The following DRC9 variants were observed in gnomAD, a reference collection of about 807,000 sequenced individuals.
DRC9 encodes dynein regulatory complex protein 9.
the DRC9 span, among the ~76,000 whole-genome samples, chr3:197,898,369 A>G: frequency 6.6e-6 from 1 of 152,260 alleles, no homozygotes; most frequent in African/African-American, 2.4e-5. Context: ...GTTTACATGC[A>G]TTTACTAGAA....
At chr3:197,924,399 T>A in the DRC9 span, among the ~76,000 whole-genome samples, 1 of 152,088 alleles carries the variant, frequency 6.6e-6, no homozygotes, top group African/African-American at 2.4e-5. Context: ...AAAAATGAAA[T>A]ATATAAATAA....
chr3:197,902,378 C>T, the DRC9 span, among the ~76,000 whole-genome samples: 2 of 152,074 alleles, frequency 1.3e-5, no homozygotes, highest in African/African-American at 4.8e-5. Flanking sequence ...TGAAATAAAG[C>T]ACCAGGGACT....
the DRC9 span, chr3:197,945,810 G>T: frequency 1.8e-6 from 1 of 566,002 alleles, no homozygotes; most frequent in Non-Finnish European, 3.2e-6. Flanking sequence ...TCGCCTCTTT[G>T]TGCGGAGTGG....
the DRC9 span, among the ~76,000 whole-genome samples, chr3:197,939,564 G>A: frequency 1.2e-4 from 18 of 152,322 alleles, no homozygotes; most frequent in African/African-American, 4.3e-4. Flanking sequence ...ACGATGCAGC[G>A]ACTACACATA....
At chr3:197,894,040 T>G in the DRC9 span, among the ~76,000 whole-genome samples, 4 of 152,216 alleles carry the variant, frequency 2.6e-5, no homozygotes, top group Non-Finnish European at 5.9e-5. Flanking sequence ...CAGTAAAACA[T>G]GTATTTAAGC....
the DRC9 span, among the ~76,000 whole-genome samples, chr3:197,946,403 C>A: frequency 6.3e-5 from 9 of 142,486 alleles, no homozygotes; most frequent in African/African-American, 2.5e-4. Context: ...CCACTGCACT[C>A]CAGCCTGGGC....
the DRC9 span, chr3:197,932,236 A>G: frequency 6.2e-7 from 1 of 1,613,382 alleles, no homozygotes. Context: ...CTTGCAGGAG[A>G]CTGTTGTAAG....
chr3:197,940,763 T>A, the DRC9 span, among the ~76,000 whole-genome samples: 1 of 152,252 alleles, frequency 6.6e-6, no homozygotes, highest in Non-Finnish European at 1.5e-5. Context: ...TCACAATTTT[T>A]AAAAGATATG....
chr3:197,933,586 G>A, the DRC9 span, among the ~76,000 whole-genome samples: 108 of 151,958 alleles, frequency 7.1e-4, no homozygotes, highest in African/African-American at 2.3e-3. Context: ...ATTTATGTAC[G>A]TAACACCAAA....
At chr3:197,914,902 G>A in the DRC9 span, among the ~76,000 whole-genome samples, 9 of 152,086 alleles carry the variant, frequency 5.9e-5, no homozygotes, top group South Asian at 2.1e-4. Flanking sequence ...GGGGGCTCAC[G>A]CCTGTAATCC....
At chr3:197,943,838 C>G in the DRC9 span, 2 of 1,614,150 alleles carry the variant, frequency 1.2e-6, no homozygotes, top group Non-Finnish European at 1.7e-6. Context: ...GAATAGAGAG[C>G]TGGTCTGTGG....
the DRC9 span, chr3:197,957,651 C>CGGAAGTT: frequency 6.6e-6 from 1 of 151,978 alleles, no homozygotes; most frequent in African/African-American, 2.4e-5. Flanking sequence ...ACTTCAAGGC[C>CGGAAGTT]GGAAGTTGGA....
chr3:197,955,159 G>A, the DRC9 span, among the ~76,000 whole-genome samples: 2 of 152,112 alleles, frequency 1.3e-5, no homozygotes, highest in South Asian at 2.1e-4. Context: ...GGGGCCAGGG[G>A]GTACTGTTGA....
the DRC9 span, chr3:197,956,761 C>G: frequency 2.6e-5 from 4 of 152,122 alleles, no homozygotes; most frequent in Admixed American, 6.6e-5. Flanking sequence ...TCCTAAATAG[C>G]TGGGGCCACA....
At chr3:197,951,384 T>C in the DRC9 span, 1 of 1,510,896 alleles carries the variant, frequency 6.6e-7, no homozygotes, top group Non-Finnish European at 9.2e-7. Flanking sequence ...AACGGAGTCT[T>C]GCTCTGTTGC....
the DRC9 span, among the ~76,000 whole-genome samples, chr3:197,892,142 G>A: frequency 2.0e-5 from 3 of 152,128 alleles, no homozygotes; most frequent in Admixed American, 6.5e-5. Context: ...TGCTCGCCTC[G>A]GCCTCCCAAA....
At chr3:197,935,417 C>T in the DRC9 span, among the ~76,000 whole-genome samples, 3 of 147,318 alleles carry the variant, frequency 2.0e-5, no homozygotes, top group South Asian at 2.1e-4. Context: ...CCAGTATGGG[C>T]GACAGAACGA....
the DRC9 span, among the ~76,000 whole-genome samples, chr3:197,947,131 A>G: frequency 3.3e-5 from 5 of 152,210 alleles, no homozygotes; most frequent in Admixed American, 1.3e-4. Context: ...TTCTATTTCC[A>G]TATCTCCTAA....
the DRC9 span, among the ~76,000 whole-genome samples, chr3:197,890,264 G>T: frequency 6.6e-6 from 1 of 152,124 alleles, no homozygotes; most frequent in South Asian, 2.1e-4. Context: ...AATTAGTCAG[G>T]CCTGGTGGCT....
Sources: allele counts gnomAD v4.1 joint callset (sites outside exome capture counted in the v4.1 genomes callset), GRCh38; gene constraint gnomAD v4.1.1; transcripts MANE v1.5; gene names NCBI Gene and HGNC (gene_info 2026-07-23, HGNC 2026-07-21).